The following UPRT variants were observed in gnomAD, a reference collection of about 807,000 sequenced individuals.
UPRT encodes RP11-311P8.3.
In UPRT, 5 loss-of-function variants were observed where a neutral mutation model predicts 22.6. That is an observed-to-expected ratio of 0.22 (90% CI 0.12 to 0.47). The LOEUF (loss-of-function observed/expected upper bound fraction) is 0.47. Ranked by LOEUF, UPRT falls within the 20% of genes least tolerant of loss-of-function variation. The probability of loss-of-function intolerance (pLI) is 0.99; values close to 1 mark genes in which losing one functional copy is unlikely to be tolerated. For missense variants in UPRT, 181 were observed against 239.9 expected, an observed-to-expected ratio of 0.75 and a Z score of 1.62; for synonymous variants, 77 against 87.7, an observed-to-expected ratio of 0.88 and a Z score of 0.68.
chrX:75,235,329 T>C (rs1204263731), intron 4 of UPRT, among the ~76,000 whole-genome samples: 2 of 111,525 alleles, frequency 1.8e-5, no homozygotes, highest in Admixed American at 9.6e-5. Context: ...CAGGACCAGA[T>C]GGATTCACAG....
At chrX:75,225,365 A>ACACC (rs756828193) in intron 4 of UPRT, among the ~76,000 whole-genome samples, 47 of 106,547 alleles carry the variant, frequency 4.4e-4, no homozygotes, top group Admixed American at 9.1e-4. Context: ...ACACACACAC[A>ACACC]CCCTAGGTGG....
At chrX:75,240,227 C>T (rs144508066) in intron 4 of UPRT, among the ~76,000 whole-genome samples, 3 of 110,705 alleles carry the variant, frequency 2.7e-5, no homozygotes, top group East Asian at 2.9e-4. Context: ...CTCAGAGACC[C>T]GATAACTGAA....
chrX:75,303,671 T>C lies in UPRT; in HGVS notation c.*160T>C, dbSNP rs958210593. 2.5e-4 allele frequency: 99 copies of C among 392,853 alleles called. 1 individual carries two copies. In the East Asian group the frequency reaches 4.4e-3, roughly 17 times the overall value. The allele number at this position is 392,853 out of a possible 1,213,427, so 32.4% of individuals were successfully genotyped here. A position where few individuals can be genotyped will look rare whatever the true frequency, so the allele number is the denominator to read the frequency against. ...TGAGGTTATATCTCATTTAGTTATTTGTTTACTGTTGGCACCGAATTCAAC... is the reference window on the plus strand; with the variant it reads ...TGAGGTTATATCTCATTTAGTTATTCGTTTACTGTTGGCACCGAATTCAAC... On this transcript the variant is annotated 3_prime_UTR_variant, in exon 7 of 7. Transcript: ENST00000373383.
intron 4 of UPRT, among the ~76,000 whole-genome samples, chrX:75,185,871 C>T (rs867802851): frequency 3.7e-4 from 41 of 110,936 alleles, no homozygotes; most frequent in Middle Eastern, 9.1e-3. Flanking sequence ...GGTGATATCC[C>T]CTTTATCATT....
chrX:75,249,568 T>G (rs913799113), intron 4 of UPRT, among the ~76,000 whole-genome samples: 4 of 111,223 alleles, frequency 3.6e-5, no homozygotes, highest in South Asian at 3.8e-4. Context: ...AGCAAGTCCT[T>G]AGTGACCTAC....
chrX:75,175,373 A>T lies in UPRT; in HGVS notation c.-447+7494A>T, dbSNP rs964449049. On this transcript the variant is annotated intron_variant, in intron 4 of 13. Coordinates refer to the UPRT transcript ENST00000652605. Reference sequence around the variant, plus strand: ...CATGTGAAAAGAGCAAAGTCTCCCAATTACAACTGATGAGGTGGGAGAAAT... The same window carrying T: ...CATGTGAAAAGAGCAAAGTCTCCCATTTACAACTGATGAGGTGGGAGAAAT... Among the ~76,000 whole-genome samples, 4 of 112,163 alleles carry T rather than the reference A, an allele frequency of 3.6e-5. No homozygotes were observed. In the Admixed American group the frequency reaches 3.8e-4, roughly 11 times the overall value.
At chrX:75,288,138 AC>A (rs2082690109) in intron 1 of UPRT, among the ~76,000 whole-genome samples, 1 of 111,447 alleles carries the variant, frequency 9.0e-6, no homozygotes, top group Non-Finnish European at 1.9e-5. Flanking sequence ...AGCAATTGAA[AC>A]CCTGAACAGA....
chrX:75,301,723 A>C (rs1208401765), intron 6 of UPRT, among the ~76,000 whole-genome samples: 1 of 112,108 alleles, frequency 8.9e-6, no homozygotes, highest in Non-Finnish European at 1.9e-5. Flanking sequence ...AAAAAGCAGT[A>C]TAAAAATAAC....
chrX:75,206,497 C>T (rs1440473733), intron 4 of UPRT, among the ~76,000 whole-genome samples: 3 of 110,575 alleles, frequency 2.7e-5, no homozygotes, highest in Non-Finnish European at 3.8e-5. Flanking sequence ...GGCCAATAAC[C>T]GGCATAAAAA....
intron 4 of UPRT, among the ~76,000 whole-genome samples, chrX:75,216,293 AT>A (rs1456912126): frequency 2.7e-5 from 3 of 112,403 alleles, no homozygotes; most frequent in Admixed American, 9.4e-5. Flanking sequence ...ACAGAAAAAA[AT>A]ATTTGACAAA....
chrX:75,236,300 G>T (rs1283149019), intron 4 of UPRT, among the ~76,000 whole-genome samples: 1 of 111,333 alleles, frequency 9.0e-6, no homozygotes, highest in African/African-American at 3.3e-5. Context: ...AATAAAAGAG[G>T]ATACAAACAA....
At position 75,181,704 on chromosome X, in the gene UPRT, A is replaced by G. The variant is rs1264628743; in HGVS notation, c.-447+13825A>G. On this transcript the variant is annotated intron_variant, in intron 4 of 13. Coordinates refer to the UPRT transcript ENST00000652605. ...TTTTGTACATTTACTTTGTATCACG[A>G]AACTTTGCTGAAGTTGTATATCAGA... is the stretch of plus-strand genomic sequence containing the variant. Among the ~76,000 whole-genome samples, 3 of 112,148 alleles carry G rather than the reference A, an allele frequency of 2.7e-5. No homozygotes were observed. In the South Asian group the frequency reaches 1.1e-3, roughly 41 times the overall value.
intron 4 of UPRT, among the ~76,000 whole-genome samples, chrX:75,256,484 A>C (rs2082550070): frequency 9.0e-6 from 1 of 111,101 alleles, no homozygotes; most frequent in African/African-American, 3.3e-5. Context: ...CCAAACCCAA[A>C]CCCAGCAGAA....
chrX:75,266,062 C>G (rs770207277), intron 4 of UPRT, among the ~76,000 whole-genome samples: 9 of 111,571 alleles, frequency 8.1e-5, no homozygotes, highest in Non-Finnish European at 1.5e-4. Context: ...CTACCAATGA[C>G]TTTCTTCACA....
intron 4 of UPRT, among the ~76,000 whole-genome samples, chrX:75,187,918 A>G (rs191906624): frequency 9.0e-6 from 1 of 111,625 alleles, no homozygotes; most frequent in African/African-American, 3.3e-5. Context: ...CTAGTTATAC[A>G]TTCTTCTAAA....
chrX:75,225,323 C>CCACACACACACACACA (rs57493246), intron 4 of UPRT, among the ~76,000 whole-genome samples: 133 of 82,037 alleles, frequency 1.6e-3, no homozygotes, highest in African/African-American at 5.4e-3. Flanking sequence ...AAACCAAAAA[C>CCACACACACACACACA]CACACACACA....
Position 75,203,938 on chromosome X carries a change from T to G in UPRT, c.-447+36059T>G, listed in dbSNP as rs149100277. ...TTTTAATATAAAAGGAAGAGGGGTGTTGTTGATTATCTGGTTGCTTCCTGC... is the reference window on the plus strand; with the variant it reads ...TTTTAATATAAAAGGAAGAGGGGTGGTGTTGATTATCTGGTTGCTTCCTGC... On this transcript the variant is annotated intron_variant, in intron 4 of 13. Coordinates refer to the UPRT transcript ENST00000652605. 3.1e-3 allele frequency among the ~76,000 whole-genome samples: 347 copies of G among 111,157 alleles called. 2 individuals carry two copies. The highest frequency in any genetic ancestry group is 0.011 in the African/African-American group (340 of 30,557).
chrX:75,185,312 C>T (rs2082286064), intron 4 of UPRT, among the ~76,000 whole-genome samples: 1 of 111,759 alleles, frequency 8.9e-6, no homozygotes, highest in Non-Finnish European at 1.9e-5. Flanking sequence ...TGTGTATATG[C>T]TGGATTACAT....
At chrX:75,232,700 C>T (rs2082443150) in intron 4 of UPRT, among the ~76,000 whole-genome samples, 1 of 112,077 alleles carries the variant, frequency 8.9e-6, no homozygotes, top group Non-Finnish European at 1.9e-5. Context: ...CGGCCGGGTA[C>T]TCCAACAGAC....
Sources: allele counts gnomAD v4.1 joint callset (sites outside exome capture counted in the v4.1 genomes callset), GRCh38; gene constraint gnomAD v4.1.1; transcripts MANE v1.5; gene names NCBI Gene and HGNC (gene_info 2026-07-23, HGNC 2026-07-21).